STARD13: variants seen among roughly 807,000 people sequenced by gnomAD.
STARD13 encodes the protein stAR-related lipid transfer protein 13.
STARD13 carries 62 observed loss-of-function variants against 106.4 expected under a neutral mutation model. The ratio of observed to expected loss-of-function variants is 0.58; its 90% CI spans 0.48 to 0.72. STARD13 has a LOEUF of 0.72. Among genes scored for constraint, STARD13 ranks in the 30% least tolerant of loss-of-function variants. The probability of loss-of-function intolerance (pLI) is 0.00; values close to 1 mark genes in which losing one functional copy is unlikely to be tolerated. For missense variants in STARD13, 1,387 were observed against 1,424.0 expected, an observed-to-expected ratio of 0.97 and a Z score of 0.42; for synonymous variants, 565 against 553.0, an observed-to-expected ratio of 1.02 and a Z score of -0.31.
the STARD13 span, among the ~76,000 whole-genome samples, chr13:33,449,516 T>G: frequency 6.6e-6 from 1 of 152,180 alleles, no homozygotes; most frequent in Non-Finnish European, 1.5e-5. Context: ...CTTAGAAGTA[T>G]ATTTTGAAGT....
chr13:33,673,002 T>C, the STARD13 span, among the ~76,000 whole-genome samples: 2 of 152,234 alleles, frequency 1.3e-5, no homozygotes, highest in African/African-American at 2.4e-5. Flanking sequence ...TTTAAGCATA[T>C]GCATAAGTTC....
the STARD13 span, among the ~76,000 whole-genome samples, chr13:33,441,912 C>T: frequency 6.6e-6 from 1 of 152,148 alleles, no homozygotes; most frequent in African/African-American, 2.4e-5. Flanking sequence ...CAATAAACAC[C>T]AATAAAAGAA....
chr13:33,189,267 C>A (rs1349190227), intron 1 of STARD13, among the ~76,000 whole-genome samples: 1 of 151,432 alleles, frequency 6.6e-6, no homozygotes, highest in East Asian at 1.9e-4. Context: ...TCTTTTAAAA[C>A]TAGTATTTAA....
chr13:33,109,522 G>A (rs970514114), intron 12 of STARD13, among the ~76,000 whole-genome samples: 3 of 152,214 alleles, frequency 2.0e-5, no homozygotes, highest in African/African-American at 7.2e-5. Context: ...CAGAAGAAAA[G>A]CCAGTCAGAT....
chr13:33,361,071 C>A, the STARD13 span, among the ~76,000 whole-genome samples: 2 of 150,936 alleles, frequency 1.3e-5, no homozygotes, highest in East Asian at 4.0e-4. Context: ...TCCCAAAGTG[C>A]CGGGATTACA....
chr13:33,372,208 T>C, the STARD13 span, among the ~76,000 whole-genome samples: 1 of 152,188 alleles, frequency 6.6e-6, no homozygotes, highest in Admixed American at 6.5e-5. Flanking sequence ...AAATGGATCA[T>C]TCATCATAAA....
At chr13:33,151,224 G>T (rs76748569) in intron 3 of STARD13, among the ~76,000 whole-genome samples, 11,455 of 152,196 alleles carry the variant, frequency 0.075, 563 homozygotes, top group East Asian at 0.24. Flanking sequence ...TTGCTATTAA[G>T]GAATACCTGA....
the STARD13 span, among the ~76,000 whole-genome samples, chr13:33,657,766 T>C: frequency 1.3e-5 from 2 of 152,316 alleles, no homozygotes; most frequent in South Asian, 2.1e-4. Context: ...ATAAACCCAA[T>C]CAATGTGAAG....
chr13:33,314,949 G>A (rs1893273377), intron 1 of STARD13, among the ~76,000 whole-genome samples: 1 of 152,102 alleles, frequency 6.6e-6, no homozygotes, highest in Admixed American at 6.5e-5. Flanking sequence ...ATGAGACAAA[G>A]CCAAAACAAA....
chr13:33,342,557 G>T lies in STARD13; in HGVS notation c.124+7733C>A, dbSNP rs79674923. ...TGTTTTTTTTTTTTTAAGACATGGG[G>T]TCTCACTGTGCCACCCAGGCTGAAG... On this transcript the variant is annotated intron_variant, in intron 1 of 5. Coordinates refer to the STARD13 transcript ENST00000567873. 7.8e-3 allele frequency among the ~76,000 whole-genome samples: 1,177 copies of T among 151,176 alleles called. 18 individuals are homozygous for T. Among genetic ancestry groups the T allele is most frequent in the African/African-American group, 0.026 (1,059 of 41,206 alleles).
chr13:33,487,153 T>C, the STARD13 span, among the ~76,000 whole-genome samples: 1 of 152,228 alleles, frequency 6.6e-6, no homozygotes, highest in African/African-American at 2.4e-5. Context: ...ATAAAGCCTG[T>C]ATCACAAAGT....
At chr13:33,393,651 A>G in the STARD13 span, among the ~76,000 whole-genome samples, 3 of 152,232 alleles carry the variant, frequency 2.0e-5, no homozygotes, top group Non-Finnish European at 4.4e-5. Context: ...TACTCATTTG[A>G]TACTAATACT....
chr13:33,357,665 C>T, the STARD13 span, among the ~76,000 whole-genome samples: 2 of 152,168 alleles, frequency 1.3e-5, no homozygotes, highest in Non-Finnish European at 2.9e-5. Flanking sequence ...AAATGTTTAC[C>T]ATCCATCTTT....
At chr13:33,147,700 A>G (rs761122942) in intron 3 of STARD13, among the ~76,000 whole-genome samples, 1 of 152,208 alleles carries the variant, frequency 6.6e-6, no homozygotes, top group Non-Finnish European at 1.5e-5. Context: ...ACAAAAAACC[A>G]AAACAGTGGA....
At chr13:33,475,722 C>T in the STARD13 span, among the ~76,000 whole-genome samples, 2 of 152,110 alleles carry the variant, frequency 1.3e-5, no homozygotes, top group African/African-American at 4.8e-5. Context: ...CTTTGGGAGG[C>T]CAAGGTGAGC....
At chr13:33,415,177 G>A in the STARD13 span, among the ~76,000 whole-genome samples, 1 of 152,122 alleles carries the variant, frequency 6.6e-6, no homozygotes, top group Non-Finnish European at 1.5e-5. Flanking sequence ...GACCATCCTG[G>A]CTAACACGGT....
intron 1 of STARD13, among the ~76,000 whole-genome samples, chr13:33,180,914 G>A (rs1885166940): frequency 6.6e-6 from 1 of 151,942 alleles, no homozygotes; most frequent in Admixed American, 6.6e-5. Flanking sequence ...AGTAAATATC[G>A]ACACATAATT....
chr13:33,180,195 T>C (rs566901942), intron 1 of STARD13, among the ~76,000 whole-genome samples: 9 of 152,368 alleles, frequency 5.9e-5, no homozygotes, highest in African/African-American at 2.2e-4. Flanking sequence ...ACACTTTGGA[T>C]ATGTGACATT....
chr13:33,205,507 TAGAG>T (rs935003143), intron 1 of STARD13, among the ~76,000 whole-genome samples: 3 of 152,062 alleles, frequency 2.0e-5, no homozygotes, highest in African/African-American at 7.2e-5. Flanking sequence ...TTGTTATAAA[TAGAG>T]AGAGAAGGAA....
Sources: allele counts gnomAD v4.1 joint callset (sites outside exome capture counted in the v4.1 genomes callset), GRCh38; gene constraint gnomAD v4.1.1; transcripts MANE v1.5; gene names NCBI Gene and HGNC (gene_info 2026-07-23, HGNC 2026-07-21).